The following ACSM2B variants were observed in gnomAD, a reference collection of about 807,000 sequenced individuals.
ACSM2B encodes the protein acyl-coenzyme A synthetase ACSM2B, mitochondrial.
In ACSM2B, 58 loss-of-function variants were observed where a neutral mutation model predicts 78.6. The ratio of observed to expected loss-of-function variants is 0.74; its 90% CI spans 0.60 to 0.92. ACSM2B has a LOEUF of 0.92. Among genes scored for constraint, ACSM2B ranks in the 40% least tolerant of loss-of-function variants. ACSM2B has a pLI of 0.00. For synonymous variants in ACSM2B, 257 were observed against 256.8 expected (o/e 1.00, Z -0.01); for missense variants, 688 against 711.2 (o/e 0.97, Z 0.37).
At chr16:20,547,387 G>A (rs1163632234) in intron 8 of ACSM2B, 11 of 985,042 alleles carry the variant, frequency 1.1e-5, no homozygotes, top group Non-Finnish European at 1.2e-5. Context: ...TCTACCAAGG[G>A]TACTCATTAG....
chr16:20,563,118 T>G lies in ACSM2B; in HGVS notation c.177+1551A>C, dbSNP rs999888579. On this transcript the variant is annotated intron_variant, in intron 2 of 13. Transcript: ENST00000329697. ...TGAGAAATATCTCCCATCCTTCCACTAAGATGTCTTGTGATAATTAAACTA... is the reference window on the plus strand; with the variant it reads ...TGAGAAATATCTCCCATCCTTCCACGAAGATGTCTTGTGATAATTAAACTA... Among the ~76,000 whole-genome samples the G allele has an allele frequency of 4.6e-5, 7 of 152,284 alleles. No homozygotes were observed. The South Asian group carries it at 1.2e-3, about 27-fold the overall frequency.
chr16:20,572,049 G>A (rs1313861296), intron 1 of ACSM2B, among the ~76,000 whole-genome samples: 1 of 149,726 alleles, frequency 6.7e-6, no homozygotes, highest in Non-Finnish European at 1.5e-5. Context: ...TTTAAATGGA[G>A]TACTTAGGCC....
intron 1 of ACSM2B, among the ~76,000 whole-genome samples, chr16:20,566,347 C>T (rs1248393723): frequency 7.8e-6 from 1 of 128,576 alleles, no homozygotes; most frequent in Non-Finnish European, 1.6e-5. Context: ...GGCACAGGAG[C>T]ATGGCTAAAA....
chr16:20,562,379 G>A (rs1408677436), intron 2 of ACSM2B, among the ~76,000 whole-genome samples: 1 of 152,024 alleles, frequency 6.6e-6, no homozygotes, highest in African/African-American at 2.4e-5. Context: ...AAACATGTTA[G>A]CAATTTTATT....
chr16:20,572,711 T>A (rs1175913253), intron 1 of ACSM2B, among the ~76,000 whole-genome samples: 1 of 151,710 alleles, frequency 6.6e-6, no homozygotes, highest in Non-Finnish European at 1.5e-5. Flanking sequence ...AGGATGCCAA[T>A]TATTCTTAGG....
chr16:20,560,485 T>G (rs994270136), intron 2 of ACSM2B, among the ~76,000 whole-genome samples: 2 of 152,104 alleles, frequency 1.3e-5, no homozygotes, highest in African/African-American at 4.8e-5. Context: ...TTTCTTCATC[T>G]TCCAACATTA....
At position 20,559,339 on chromosome 16, in the gene ACSM2B, T is replaced by C. The variant is rs8056693; in HGVS notation, c.286A>G (p.Ile96Val). 1,546,201 of 1,592,600 alleles carry C rather than the reference T, an allele frequency of 0.97. 751,244 individuals carry two copies. Among genetic ancestry groups the C allele is most frequent in the East Asian group, 1 (44,586 of 44,604 alleles). The change falls in exon 3 of 14, where the codon ATC becomes GTC. Residue 96 changes from isoleucine (I) to valine (V), a missense_variant. By Grantham distance (29) the Ile-to-Val change is conservative. Transcript: ENST00000329697. ...TGCAGGCCACAGGCTCCCGAGAGGA[T>C]GTTGGCTGCCTGCTGGCTGTTTTCA... ...LSENSQQAANILSGACGLQRG... is the reference protein window; with the variant it reads ...LSENSQQAANVLSGACGLQRG...
At position 20,548,125 on chromosome 16, in the gene ACSM2B, A is replaced by T. The variant is rs147558236; in HGVS notation, c.1035T>A (p.Thr345=). ...CTGTCTGGGCCCTCCAGTTCTCCAGAGTTTCTGGAAGAAGGGACTCCCCTC... is the reference window on the plus strand; with the variant it reads ...CTGTCTGGGCCCTCCAGTTCTCCAGTGTTTCTGGAAGAAGGGACTCCCCTC... The part of the protein sequence containing the change: ...LAGGESLLPE[T]LENWRAQTGL... The change falls in exon 8 of 14, where the codon ACT becomes ACA. Residue 345 remains threonine (T), a synonymous_variant. Transcript: ENST00000329697. The T allele has an allele frequency of 9.3e-5, 150 of 1,613,938 alleles. 1 individual carries two copies. Among genetic ancestry groups the T allele is most frequent in the Non-Finnish European group, 1.2e-4 (138 of 1,179,950 alleles).
chr16:20,570,912 G>A (rs1308759682), intron 1 of ACSM2B, among the ~76,000 whole-genome samples: 2 of 151,688 alleles, frequency 1.3e-5, no homozygotes, highest in Non-Finnish European at 1.5e-5. Flanking sequence ...GGTATCAGTT[G>A]TAATATCTCC....
At chr16:20,568,541 T>G (rs966423581) in intron 1 of ACSM2B, among the ~76,000 whole-genome samples, 1 of 151,300 alleles carries the variant, frequency 6.6e-6, no homozygotes, top group South Asian at 2.1e-4. Flanking sequence ...GCATGTGCAG[T>G]GACTTCTTTC....
rs559603942 is a variant in ACSM2B, at chr16:20,546,400, A to G, written c.1173T>C (p.Asp391=). 1.5e-5 allele frequency: 24 copies of G among 1,605,152 alleles called. No individual in the cohort carries two copies. In the South Asian group the frequency reaches 2.7e-4, roughly 18 times the overall value. Residue 391 remains aspartate, a synonymous_variant, in exon 9 of 14, where the codon GAT becomes GAC. Coordinates refer to ENST00000329697, the MANE Select transcript of ACSM2B (RefSeq NM_001105069.2). Reference sequence around the variant, plus strand: ...CTCAGTGTCCCGAGCAAACCTGTACATCATAACAGGAAGCAGCCGTTCCCA... The same window carrying G: ...CTCAGTGTCCCGAGCAAACCTGTACGTCATAACAGGAAGCAGCCGTTCCCA... ...GYMGTAASCY[D]VQVIDDKGNV...
intron 1 of ACSM2B, among the ~76,000 whole-genome samples, chr16:20,568,280 T>G (rs1390749390): frequency 5.5e-5 from 8 of 144,908 alleles, no homozygotes; most frequent in African/African-American, 2.0e-4. Flanking sequence ...ATAGTATATA[T>G]AGATATATAT....
intron 1 of ACSM2B, among the ~76,000 whole-genome samples, chr16:20,573,372 TCACTATTGCCTCAGGCAG>T (rs1307075872): frequency 6.6e-6 from 1 of 150,410 alleles, no homozygotes; most frequent in African/African-American, 2.5e-5. Context: ...GGGGAGGCCA[TCACTATTGCCTCAGGCAG>T]CACAGAGTTT....
Position 20,555,298 on chromosome 16 carries a change from A to G in ACSM2B, c.567T>C (p.Asp189=), listed in dbSNP as rs752167449. The G allele has an allele frequency of 9.3e-6, 15 of 1,613,888 alleles. No homozygotes were observed. The East Asian group carries it at 3.1e-4, about 34-fold the overall frequency. Residue 189 remains aspartate, a synonymous_variant, in exon 4 of 14, where the codon GAT becomes GAC. Coordinates refer to ENST00000329697, the MANE Select transcript of ACSM2B (RefSeq NM_001105069.2). The stretch of plus-strand genomic sequence containing the variant: ...GTAGTTTCTTGAAGTTCAGCCACCC[A>G]TCGCAGCTTTTCTCAGACACCAGTA... ...IKLLVSEKSC[D]GWLNFKKLLN...
Position 20,569,566 on chromosome 16 carries a change from G to C in ACSM2B, c.-8-4713C>G, listed in dbSNP as rs187147283. 1.1e-4 allele frequency among the ~76,000 whole-genome samples: 17 copies of C among 151,702 alleles called. No homozygotes were observed. The East Asian group carries it at 3.1e-3, about 28-fold the overall frequency. The stretch of plus-strand genomic sequence containing the variant: ...CTTTGGCTATGATGACTCTTTTTTT[G>C]GTTCCATATGAATTTTAGGATTTTT... On this transcript the variant is annotated intron_variant, in intron 1 of 13. Coordinates refer to ENST00000329697, the MANE Select transcript of ACSM2B (RefSeq NM_001105069.2).
At chr16:20,569,528 T>G (rs547443041) in intron 1 of ACSM2B, among the ~76,000 whole-genome samples, 1 of 152,046 alleles carries the variant, frequency 6.6e-6, no homozygotes, top group African/African-American at 2.4e-5. Flanking sequence ...TTTGTTCTTT[T>G]TGGATAGTCT....
chr16:20,553,873 G>A lies in ACSM2B; in HGVS notation c.644C>T (p.Ala215Val), dbSNP rs139218504. Residue 215 changes from alanine to valine, a missense_variant, in exon 5 of 14, where the codon GCA becomes GTA. Ala to Val is a moderately conservative substitution (Grantham distance 64, BLOSUM62 0). Coordinates refer to ENST00000329697, the MANE Select transcript of ACSM2B (RefSeq NM_001105069.2). ...HHCVETGSQE[A>V]SAIYFTSGTS... ...CCCACTAGTGAAGTAGATGGCAGATGCTTCCTGGCTTCCAGTCTCCACACA... is the reference window on the plus strand; with the variant it reads ...CCCACTAGTGAAGTAGATGGCAGATACTTCCTGGCTTCCAGTCTCCACACA... 276 of 1,613,782 alleles carry A rather than the reference G, an allele frequency of 1.7e-4. No individual in the cohort carries two copies. Among genetic ancestry groups the A allele is most frequent in the Non-Finnish European group, 2.2e-4 (262 of 1,179,848 alleles).
At chr16:20,560,586 T>G (rs531263932) in intron 2 of ACSM2B, among the ~76,000 whole-genome samples, 23 of 152,216 alleles carry the variant, frequency 1.5e-4, no homozygotes, top group Admixed American at 1.2e-3. Flanking sequence ...ATCTCTTTTC[T>G]TTGTAAGTTA....
At chr16:20,539,606 G>A (rs1434271165) in intron 13 of ACSM2B, among the ~76,000 whole-genome samples, 1 of 152,010 alleles carries the variant, frequency 6.6e-6, no homozygotes, top group East Asian at 1.9e-4. Context: ...GGGTAGGGGA[G>A]CTCTCTCCCC....
Sources: gnomAD v4.1 joint callset for allele counts (sites outside exome capture counted in the v4.1 genomes callset) on GRCh38, gnomAD v4.1.1 for gene constraint, MANE v1.5 for transcripts, NCBI Gene and HGNC (gene_info 2026-07-23, HGNC 2026-07-21) for gene names.